NPAS3: variants seen among roughly 807,000 people sequenced by gnomAD.
NPAS3 encodes the protein neuronal PAS domain protein 3, also known as neuronal PAS domain-containing protein 3.
In NPAS3, 14 loss-of-function variants were observed where a neutral mutation model predicts 73.1. The ratio of observed to expected loss-of-function variants is 0.19; its 90% CI spans 0.13 to 0.30. The LOEUF is 0.30. NPAS3 is among the 10% of genes least tolerant of loss of function. The pLI, the probability that NPAS3 is intolerant of heterozygous loss-of-function variation, is 1.00. For missense variants in NPAS3, 1,096 were observed against 1,250.0 expected, an observed-to-expected ratio of 0.88 and a Z score of 1.86; for synonymous variants, 620 against 541.5, an observed-to-expected ratio of 1.14 and a Z score of -2.01.
rs2043702789 is a variant in NPAS3, at chr14:33,326,309, G to A, written c.386-40877G>A. On this transcript the variant is annotated intron_variant, in intron 3 of 11. Transcript: ENST00000356141. The stretch of plus-strand genomic sequence containing the variant: ...ACAATTATGGCTTCAGAAGGGAGTT[G>A]AAGTCAGTGAAGGAAACAGAGAATG... Among the ~76,000 whole-genome samples, 3 of 152,186 alleles carry A rather than the reference G, an allele frequency of 2.0e-5. No homozygotes were observed. In the East Asian group the frequency reaches 5.8e-4, roughly 29 times the overall value.
At chr14:33,367,392 G>T in intron 4 of NPAS3, 124 bp downstream of exon 4, 1 of 534,076 alleles carries the variant, frequency 1.9e-6, no homozygotes, top group Non-Finnish European at 3.3e-6. Context: ...ATTTTATCTT[G>T]AAATTCCGAA....
At chr14:33,339,045 A>G (rs897408249) in intron 3 of NPAS3, among the ~76,000 whole-genome samples, 4 of 152,206 alleles carry the variant, frequency 2.6e-5, no homozygotes, top group Admixed American at 6.5e-5. Flanking sequence ...TGTGAGTAAT[A>G]ATTTTTCAGT....
At chr14:33,559,001 G>A (rs1444299834) in intron 4 of NPAS3, among the ~76,000 whole-genome samples, 1 of 152,080 alleles carries the variant, frequency 6.6e-6, no homozygotes, top group Non-Finnish European at 1.5e-5. Context: ...GCAAGAATGT[G>A]AAACAAATTT....
At chr14:33,676,992 T>A (rs971791747) in intron 6 of NPAS3, among the ~76,000 whole-genome samples, 4 of 152,198 alleles carry the variant, frequency 2.6e-5, no homozygotes, top group African/African-American at 9.7e-5. Context: ...CCAGGACTCT[T>A]ATAGACTTTG....
chr14:33,624,171 TTGTC>T (rs1169385368), intron 5 of NPAS3, among the ~76,000 whole-genome samples: 2 of 152,218 alleles, frequency 1.3e-5, no homozygotes, highest in Non-Finnish European at 2.9e-5. Flanking sequence ...CTTTTGTTGA[TTGTC>T]TGTCTTACAC....
intron 2 of NPAS3, among the ~76,000 whole-genome samples, chr14:33,212,653 G>A (rs2047081426): frequency 6.6e-6 from 1 of 151,932 alleles, no homozygotes; most frequent in Non-Finnish European, 1.5e-5. Context: ...TGTGATCTTG[G>A]GCTTTGTCTC....
Position 32,969,100 on chromosome 14 carries a change from T to C in NPAS3, c.50+29734T>C, listed in dbSNP as rs1285018349. Among the ~76,000 whole-genome samples the C allele has an allele frequency of 3.9e-5, 6 of 152,174 alleles. No individual in the cohort carries two copies. The South Asian group carries it at 8.3e-4, about 21-fold the overall frequency. On this transcript the variant is annotated intron_variant, in intron 1 of 11. Transcript: ENST00000356141. ...CTGCTTTCTAAAATGGCTCAACACA[T>C]GTGGTTGTGGACAGGCCTTAGTTCC...
At chr14:33,699,621 C>T (rs1296688427) in intron 6 of NPAS3, among the ~76,000 whole-genome samples, 1 of 152,192 alleles carries the variant, frequency 6.6e-6, no homozygotes. Context: ...TGCTGAAACC[C>T]TTTGCCTCGG....
intron 2 of NPAS3, among the ~76,000 whole-genome samples, chr14:33,197,267 G>GTGTGTGTGTGTT (rs1555353807): frequency 0.04 from 5,897 of 148,628 alleles, 150 homozygotes; most frequent in Middle Eastern, 0.078. Context: ...GTGTGTGTGT[G>GTGTGTGTGTGTT]TTCTTTTTCA....
chr14:33,277,983 G>A (rs1041574687), intron 3 of NPAS3, among the ~76,000 whole-genome samples: 9 of 152,096 alleles, frequency 5.9e-5, no homozygotes, highest in Non-Finnish European at 1.2e-4. Flanking sequence ...GCAGAGGTTC[G>A]GGTGAGAGAG....
At chr14:33,797,950 A>T (rs1302280790) in intron 11 of NPAS3, among the ~76,000 whole-genome samples, 1 of 152,040 alleles carries the variant, frequency 6.6e-6, no homozygotes, top group Non-Finnish European at 1.5e-5. Flanking sequence ...TTCTTTAAAT[A>T]TACAGAAAGA....
At chr14:33,335,072 A>C (rs1042890990) in intron 3 of NPAS3, among the ~76,000 whole-genome samples, 4 of 98,784 alleles carry the variant, frequency 4.0e-5, no homozygotes, top group African/African-American at 1.5e-4. Context: ...GTGTGTGTGT[A>C]TCACATTTTC....
chr14:33,086,429 G>A (rs1346635957), intron 2 of NPAS3, among the ~76,000 whole-genome samples: 1 of 151,990 alleles, frequency 6.6e-6, no homozygotes, highest in African/African-American at 2.4e-5. Flanking sequence ...ATTGCAGAGG[G>A]ACCCCTTGTT....
intron 5 of NPAS3, among the ~76,000 whole-genome samples, chr14:33,621,043 C>T (rs1317068980): frequency 6.6e-6 from 1 of 152,108 alleles, no homozygotes; most frequent in Non-Finnish European, 1.5e-5. Context: ...GAGAAGTATA[C>T]TAATGACCAT....
intron 3 of NPAS3, among the ~76,000 whole-genome samples, chr14:33,365,128 A>C (rs2045780041): frequency 6.9e-6 from 1 of 144,350 alleles, no homozygotes; most frequent in Non-Finnish European, 1.5e-5. Flanking sequence ...TGTCTCAAAA[A>C]CAGAGTGGAC....
chr14:33,029,882 A>C (rs1034896258), intron 1 of NPAS3, among the ~76,000 whole-genome samples: 3 of 152,224 alleles, frequency 2.0e-5, no homozygotes, highest in Non-Finnish European at 4.4e-5. Flanking sequence ...CTCCAAATGG[A>C]TTATGCCAAT....
At chr14:33,678,505 T>C (rs1399392244) in intron 6 of NPAS3, among the ~76,000 whole-genome samples, 3 of 152,136 alleles carry the variant, frequency 2.0e-5, no homozygotes, top group Non-Finnish European at 4.4e-5. Context: ...ATCCTAGTCA[T>C]CCTGCCCTGG....
At chr14:33,778,361 A>G (rs988148626) in intron 8 of NPAS3, 105 bp from the exon 9 acceptor site, 1 of 770,296 alleles carries the variant, frequency 1.3e-6, no homozygotes, top group African/African-American at 1.7e-5. Context: ...CCTCACGGGT[A>G]CAGTAGTATA....
rs182999940 is a variant in NPAS3 at position 33,597,001 on chromosome 14, C to T, written c.558+36791C>T. Among the ~76,000 whole-genome samples the T allele has an allele frequency of 1.9e-3, 288 of 152,276 alleles. 1 individual carries two copies. The highest frequency in any genetic ancestry group is 3.7e-3 in the Admixed American group (57 of 15,284). On this transcript the variant is annotated intron_variant, in intron 5 of 11. Transcript: ENST00000356141. ...GAGTTGCGCTGGTAGTGTGTTGTTC[C>T]CTCCAGATTGCGGGGTGGGACTGGA...
Sources: gnomAD v4.1 joint callset for allele counts (sites outside exome capture counted in the v4.1 genomes callset) on GRCh38, gnomAD v4.1.1 for gene constraint, MANE v1.5 for transcripts, NCBI Gene and HGNC (gene_info 2026-07-23, HGNC 2026-07-21) for gene names.